Variants in PPM1H observed in about 807,000 individuals in gnomAD.
PPM1H encodes the protein protein phosphatase 1H.
PPM1H carries 27 observed loss-of-function variants against 54.9 expected under a neutral mutation model. The observed-to-expected ratio is 0.49, with a 90% confidence interval of 0.36 to 0.68. The LOEUF (loss-of-function observed/expected upper bound fraction) is 0.68, where lower values mean the gene tolerates loss of function less well. PPM1H is among the 30% of genes least tolerant of loss of function. PPM1H has a pLI of 0.00. For synonymous variants in PPM1H, 305 were observed against 270.8 expected (o/e 1.13, Z -1.24); for missense variants, 596 against 667.8 (o/e 0.89, Z 1.19).
intron 2 of PPM1H, among the ~76,000 whole-genome samples, chr12:62,829,700 G>C (rs1400189526): frequency 6.6e-6 from 1 of 152,172 alleles, no homozygotes; most frequent in African/African-American, 2.4e-5. Flanking sequence ...CCACCACAGG[G>C]GAGGGCCACA....
chr12:62,880,563 C>T (rs1294944634), intron 1 of PPM1H, among the ~76,000 whole-genome samples: 1 of 152,254 alleles, frequency 6.6e-6, no homozygotes, highest in East Asian at 1.9e-4. Context: ...GTCGTGATTA[C>T]CCTCCATCAG....
At chr12:62,694,480 T>C (rs1213168166) in intron 6 of PPM1H, among the ~76,000 whole-genome samples, 1 of 152,204 alleles carries the variant, frequency 6.6e-6, no homozygotes, top group Non-Finnish European at 1.5e-5. Context: ...CTATATAATA[T>C]GCAAGGTTGG....
intron 1 of PPM1H, among the ~76,000 whole-genome samples, chr12:62,878,299 T>A (rs566141314): frequency 5.7e-4 from 87 of 152,308 alleles, no homozygotes; most frequent in African/African-American, 2.0e-3. Context: ...AACATGTTCT[T>A]CATCCCCGCT....
rs537296455 is a variant in PPM1H, at chr12:62,825,556, A to G, written c.411+6558T>C. Among the ~76,000 whole-genome samples, 35 of 152,356 alleles carry G rather than the reference A, an allele frequency of 2.3e-4. No individual in the cohort carries two copies. In the South Asian group the frequency reaches 7.2e-3, roughly 32 times the overall value. ...TACCACAGAATACTATGCAGCTATA[A>G]AAACAGATGAGTTCATGTCCTTTGC... On this transcript the variant is annotated intron_variant, in intron 2 of 9. Transcript: ENST00000228705.
chr12:62,720,328 C>A, intron 5 of PPM1H, 39 bp from the exon 6 acceptor site: 1 of 1,433,414 alleles, frequency 7.0e-7, no homozygotes, highest in Non-Finnish European at 9.8e-7. Flanking sequence ...CACACATACA[C>A]GTATTTAGAG....
intron 1 of PPM1H, among the ~76,000 whole-genome samples, chr12:62,865,007 T>C (rs1869724217): frequency 6.6e-6 from 1 of 152,236 alleles, no homozygotes; most frequent in African/African-American, 2.4e-5. Flanking sequence ...AATACTTAAA[T>C]GTCCACTCCT....
chr12:62,883,733 G>C (rs535879458), intron 1 of PPM1H, among the ~76,000 whole-genome samples: 142 of 152,240 alleles, frequency 9.3e-4, no homozygotes, highest in African/African-American at 3.3e-3. Context: ...ACTGAGGATA[G>C]AGTCAACTAT....
intron 1 of PPM1H, among the ~76,000 whole-genome samples, chr12:62,834,378 C>A (rs1325945967): frequency 6.6e-6 from 1 of 152,182 alleles, no homozygotes; most frequent in Non-Finnish European, 1.5e-5. Context: ...GTTAATCCTA[C>A]CGCATTTACT....
intron 4 of PPM1H, among the ~76,000 whole-genome samples, chr12:62,738,093 G>C (rs1477602060): frequency 6.6e-6 from 1 of 152,192 alleles, no homozygotes; most frequent in Non-Finnish European, 1.5e-5. Flanking sequence ...AATGAACTTA[G>C]CTTTAAATTT....
intron 1 of PPM1H, among the ~76,000 whole-genome samples, chr12:62,863,782 AT>A (rs765231247): frequency 1.2e-4 from 18 of 152,222 alleles, no homozygotes; most frequent in Non-Finnish European, 2.4e-4. Context: ...ATATTTTCTC[AT>A]TTGACAGACA....
chr12:62,752,707 C>G (rs1235732718), intron 4 of PPM1H, among the ~76,000 whole-genome samples: 2 of 152,138 alleles, frequency 1.3e-5, no homozygotes, highest in African/African-American at 2.4e-5. Context: ...CTACTCAACC[C>G]ATAATTTATC....
At chr12:62,760,182 C>T (rs2076499952) in intron 4 of PPM1H, among the ~76,000 whole-genome samples, 1 of 152,158 alleles carries the variant, frequency 6.6e-6, no homozygotes, top group Non-Finnish European at 1.5e-5. Flanking sequence ...CTCTGTTTTA[C>T]AAGATCTAGA....
chr12:62,877,220 G>A (rs1870205780), intron 1 of PPM1H, among the ~76,000 whole-genome samples: 1 of 152,192 alleles, frequency 6.6e-6, no homozygotes, highest in Non-Finnish European at 1.5e-5. Flanking sequence ...TATACTGTGT[G>A]AGCAGCCTGC....
chr12:62,737,573 T>G lies in PPM1H; in HGVS notation c.883A>C (p.Arg295=). The part of the protein sequence containing the change: ...NAGDSRAIII[R]NGEIIPMSSE... ...GACATGGGGATAATTTCTCCATTTC[T>G]GATGATTATGGCCCTGAAATGGTGA... is the stretch of plus-strand genomic sequence containing the variant. Residue 295 remains arginine (R), a synonymous_variant, in exon 5 of 10, where the codon AGA becomes CGA. Coordinates refer to ENST00000228705, the MANE Select transcript of PPM1H (RefSeq NM_020700.2). The G allele has an allele frequency of 1.3e-6, 2 of 1,577,618 alleles. No homozygotes were observed. Among genetic ancestry groups the G allele is most frequent in the Non-Finnish European group, 1.7e-6 (2 of 1,159,708 alleles).
intron 9 of PPM1H, among the ~76,000 whole-genome samples, chr12:62,652,733 T>C (rs2075823125): frequency 1.3e-5 from 2 of 152,304 alleles, no homozygotes; most frequent in South Asian, 4.1e-4. Flanking sequence ...CTTCTTTCAT[T>C]TTCCATGTTA....
rs556260430 is a variant in PPM1H at position 62,647,908 on chromosome 12, G to GAAGA, written c.*580_*581insTCTT. The GAAGA allele has an allele frequency of 4.6e-5, 5 of 108,042 alleles. No individual in the cohort carries two copies. Among genetic ancestry groups the GAAGA allele is most frequent in the African/African-American group, 1.8e-4 (5 of 28,264 alleles). The allele number at this position is 108,042 out of a possible 1,614,324, so 6.7% of individuals were successfully genotyped here. A position where few individuals can be genotyped will look rare whatever the true frequency, so the allele number is the denominator to read the frequency against. On this transcript the variant is annotated 3_prime_UTR_variant, in exon 10 of 10. Coordinates refer to ENST00000228705, the MANE Select transcript of PPM1H (RefSeq NM_020700.2). ...CAGATTCAAGGAATGTCAAAAACACGAAAAAAAAAAAAAAAAATCCCTGCC... is the reference window on the plus strand; with the variant it reads ...CAGATTCAAGGAATGTCAAAAACACGAAGAAAAAAAAAAAAAAAAAATCCCTGCC...
intron 5 of PPM1H, among the ~76,000 whole-genome samples, chr12:62,722,667 A>C (rs2076269989): frequency 6.6e-6 from 1 of 152,194 alleles, no homozygotes; most frequent in South Asian, 2.1e-4. Flanking sequence ...ATGGGCACAA[A>C]AATGTCTCTG....
chr12:62,733,324 G>A (rs536335637), intron 5 of PPM1H, among the ~76,000 whole-genome samples: 13 of 152,028 alleles, frequency 8.6e-5, no homozygotes, highest in Admixed American at 2.6e-4. Flanking sequence ...GCACAATCTC[G>A]GCTTACTGCA....
intron 6 of PPM1H, among the ~76,000 whole-genome samples, chr12:62,709,735 G>A (rs2076195955): frequency 6.6e-6 from 1 of 152,172 alleles, no homozygotes; most frequent in African/African-American, 2.4e-5. Flanking sequence ...CACTGTGGAA[G>A]TTTGAAGAAT....
Sources: gnomAD v4.1 joint callset for allele counts (sites outside exome capture counted in the v4.1 genomes callset) on GRCh38, gnomAD v4.1.1 for gene constraint, MANE v1.5 for transcripts, NCBI Gene and HGNC (gene_info 2026-07-23, HGNC 2026-07-21) for gene names.